HDGFL3: variants seen among roughly 807,000 people sequenced by gnomAD.
The protein encoded by HDGFL3 is hepatoma-derived growth factor-related protein 3.
HDGFL3 carries 6 observed loss-of-function variants against 27.6 expected under a neutral mutation model. The observed-to-expected ratio is 0.22, with a 90% CI of 0.12 to 0.43. The LOEUF (loss-of-function observed/expected upper bound fraction) is 0.43, where lower values mean the gene tolerates loss of function less well. Among genes scored for constraint, HDGFL3 ranks in the 20% least tolerant of loss-of-function variants. The pLI is 1.00. For synonymous variants in HDGFL3, 88 were observed against 88.9 expected, an observed-to-expected ratio of 0.99 and a Z score of 0.05; for missense variants, 207 against 250.1, an observed-to-expected ratio of 0.83 and a Z score of 1.16.
At position 83,133,688 on chromosome 15, in the gene HDGFL3, AG is replaced by A. The variant is rs1377079311; in HGVS notation, c.*5581del. The A allele has an allele frequency of 6.6e-6, 1 of 152,270 alleles. No homozygotes were observed. Among genetic ancestry groups the A allele is most frequent in the Non-Finnish European group, 1.5e-5 (1 of 68,060 alleles). The allele number at this position is 152,270 out of a possible 1,614,324, so 9.4% of individuals were successfully genotyped here. A position where few individuals can be genotyped will look rare whatever the true frequency, so the allele number is the denominator to read the frequency against. On this transcript the variant is annotated 3_prime_UTR_variant, in exon 6 of 6. Coordinates refer to ENST00000299633, the MANE Select transcript of HDGFL3 (RefSeq NM_016073.4). ...AGCCACCTGACCCCAGCACAGGCTC[AG>A]GCTGAGCTCTTCAGGTCCTGCCATG...
chr15:83,117,508 G>A (rs1484734344), intron 3 of HDGFL3, among the ~76,000 whole-genome samples: 1 of 152,196 alleles, frequency 6.6e-6, no homozygotes, highest in Non-Finnish European at 1.5e-5. Context: ...GACCATGGGG[G>A]GCAGGCCAAG....
At chr15:83,119,343 C>T (rs2151355401) in intron 3 of HDGFL3, among the ~76,000 whole-genome samples, 1 of 152,352 alleles carries the variant, frequency 6.6e-6, no homozygotes, top group Middle Eastern at 3.4e-3. Flanking sequence ...GTTGATGCAT[C>T]ATGGGCCAAT....
In HDGFL3 at chr15:83,151,327, T is replaced by C; in HGVS notation, c.494A>G (p.Asp165Gly). 6.2e-7 allele frequency: 1 copy of C among 1,613,322 alleles called. No homozygotes were observed. Among genetic ancestry groups the C allele is most frequent in the Non-Finnish European group, 8.5e-7 (1 of 1,179,580 alleles). The change falls in exon 5 of 6, where the codon GAT (aspartate) becomes GGT (glycine). Residue 165 changes from aspartate to glycine, a missense_variant. Physicochemically the swap from Asp to Gly is moderately conservative, Grantham distance 94. Coordinates refer to ENST00000299633, the MANE Select transcript of HDGFL3 (RefSeq NM_016073.4). ...SSKQSRKSPG[D>G]EDDKDCKEEE... ...TTCTTTGCAGTCTTTGTCATCTTCATCTCCTGGAGATTTCCGGGACTGTTT... is the reference window on the plus strand; with the variant it reads ...TTCTTTGCAGTCTTTGTCATCTTCACCTCCTGGAGATTTCCGGGACTGTTT...
At chr15:83,141,232 C>A (rs778569533) in intron 5 of HDGFL3, among the ~76,000 whole-genome samples, 50 of 152,132 alleles carry the variant, frequency 3.3e-4, no homozygotes, top group Non-Finnish European at 7.2e-4. Flanking sequence ...TTGCCATGCA[C>A]CCCTATATTA....
chr15:83,189,084 A>C (rs575920263), intron 1 of HDGFL3, among the ~76,000 whole-genome samples: 1 of 151,700 alleles, frequency 6.6e-6, no homozygotes, highest in Admixed American at 6.6e-5. Context: ...CAAACTAACC[A>C]CTTCTTTCTA....
chr15:83,193,433 C>G (rs1653415544), intron 1 of HDGFL3, among the ~76,000 whole-genome samples: 1 of 152,128 alleles, frequency 6.6e-6, no homozygotes, highest in Non-Finnish European at 1.5e-5. Flanking sequence ...AGAAAATAAG[C>G]ATCGGCGAGG....
chr15:83,193,175 C>T (rs1231334563), intron 1 of HDGFL3, among the ~76,000 whole-genome samples: 1 of 152,106 alleles, frequency 6.6e-6, no homozygotes, highest in Non-Finnish European at 1.5e-5. Flanking sequence ...AAATTATTTG[C>T]AAATCATAGA....
chr15:83,179,823 T>C (rs1338250428), intron 1 of HDGFL3: 1 of 152,258 alleles, frequency 6.6e-6, no homozygotes, highest in Non-Finnish European at 1.5e-5. Flanking sequence ...GTAGCACTAC[T>C]GCCTAAAGCA....
Position 83,207,545 on chromosome 15 carries a change from G to A in HDGFL3, c.-131C>T, listed in dbSNP as rs1451728309. 3.2e-6 allele frequency: 2 copies of A among 626,230 alleles called. No homozygotes were observed. Among genetic ancestry groups the A allele is most frequent in the Non-Finnish European group, 4.6e-6 (2 of 439,288 alleles). The allele number at this position is 626,230 out of a possible 1,614,324, so 38.8% of individuals were successfully genotyped here. A position where few individuals can be genotyped will look rare whatever the true frequency, so the allele number is the denominator to read the frequency against. On this transcript the variant is annotated 5_prime_UTR_variant, in exon 1 of 6. Transcript: ENST00000299633. This position sits in a 1 kb window ranked among gnomAD's most constrained non-coding sequence, Gnocchi z 4.8. ...CGGGCGGACGAGCGGCCGCTCCGACGAGGGGAAGCGGCGAGGCGGCGGCTG... is the reference window on the plus strand; with the variant it reads ...CGGGCGGACGAGCGGCCGCTCCGACAAGGGGAAGCGGCGAGGCGGCGGCTG...
chr15:83,166,627 A>G (rs1442038363), intron 1 of HDGFL3, among the ~76,000 whole-genome samples: 2 of 152,210 alleles, frequency 1.3e-5, no homozygotes, highest in Non-Finnish European at 2.9e-5. Flanking sequence ...GGTAATTTAT[A>G]AAGAACAGAG....
At chr15:83,144,729 G>T in intron 5 of HDGFL3, 1 of 350,720 alleles carries the variant, frequency 2.9e-6, no homozygotes, top group Non-Finnish European at 5.6e-6. Flanking sequence ...GCTGACACCT[G>T]GACTGCATTT....
At chr15:83,122,670 G>A (rs968712547) in intron 3 of HDGFL3, 4 of 1,484,172 alleles carry the variant, frequency 2.7e-6, no homozygotes, top group Non-Finnish European at 3.6e-6. Context: ...CAAAATTTTA[G>A]ATGACCTGAG....
chr15:83,136,721 C>G lies in HDGFL3; in HGVS notation c.*2549G>C. 1 of 1,474,656 alleles carries G rather than the reference C, an allele frequency of 6.8e-7. No individual in the cohort carries two copies. The highest frequency in any genetic ancestry group is 2.3e-5 in the East Asian group (1 of 44,164). 91.3% of individuals were successfully genotyped at this position (1,474,656 alleles called of 1,614,324 possible). On this transcript the variant is annotated 3_prime_UTR_variant, in exon 6 of 6. Coordinates refer to ENST00000299633, the MANE Select transcript of HDGFL3 (RefSeq NM_016073.4). ...TTCTAAATTACTAACTTTTGTTATA[C>G]TGGTACTGATATTTTGTCCCATTTC... is the stretch of plus-strand genomic sequence containing the variant.
chr15:83,160,255 C>T (rs560200035), intron 2 of HDGFL3, among the ~76,000 whole-genome samples: 4 of 151,712 alleles, frequency 2.6e-5, no homozygotes, highest in South Asian at 2.1e-4. Flanking sequence ...GGCACGATCT[C>T]GGCTCACTGC....
At chr15:83,169,452 GA>G (rs1390904405) in intron 1 of HDGFL3, among the ~76,000 whole-genome samples, 2 of 94,220 alleles carry the variant, frequency 2.1e-5, no homozygotes, top group Non-Finnish European at 4.3e-5. Flanking sequence ...AAAAAAGAAA[GA>G]AAAGAAAAGA....
downstream of HDGFL3, chr15:83,126,788 T>C (rs753200102): frequency 3.1e-6 from 5 of 1,613,774 alleles, no homozygotes; most frequent in Non-Finnish European, 8.5e-7. Flanking sequence ...GCTCTGCCGA[T>C]TATATACGCA....
At chr15:83,177,587 T>C (rs980278911) in intron 1 of HDGFL3, among the ~76,000 whole-genome samples, 3 of 152,228 alleles carry the variant, frequency 2.0e-5, no homozygotes, top group African/African-American at 7.2e-5. Context: ...ATATTCCTAG[T>C]TAGCTTCAAG....
chr15:83,176,682 G>T (rs757984565), intron 1 of HDGFL3, among the ~76,000 whole-genome samples: 24 of 152,170 alleles, frequency 1.6e-4, no homozygotes, highest in Middle Eastern at 3.4e-3. Context: ...GTGTTTTTAG[G>T]AGCCTCCAGG....
chr15:83,183,337 C>T (rs2037402109), intron 1 of HDGFL3, among the ~76,000 whole-genome samples: 1 of 152,066 alleles, frequency 6.6e-6, no homozygotes, highest in Admixed American at 6.5e-5. Context: ...TTCAAAAAAA[C>T]AAAAATCGTA....
Sources: allele counts gnomAD v4.1 joint callset (sites outside exome capture counted in the v4.1 genomes callset), GRCh38; gene constraint gnomAD v4.1.1; non-coding constraint Gnocchi (gnomAD v3.1); transcripts MANE v1.5; gene names NCBI Gene and HGNC (gene_info 2026-07-23, HGNC 2026-07-21).